The following SLC19A1 variants were observed in gnomAD, a reference collection of about 807,000 sequenced individuals.
SLC19A1 encodes reduced folate transporter.
In SLC19A1, 37 loss-of-function variants were observed where a neutral mutation model predicts 35.3. The observed-to-expected ratio is 1.05, with a 90% CI of 0.81 to 1.38. The LOEUF (loss-of-function observed/expected upper bound fraction) is 1.38, where lower values mean the gene tolerates loss of function less well. SLC19A1 is among the 40% of genes most tolerant of loss of function. The probability of loss-of-function intolerance (pLI) is 0.00; values close to 1 mark genes in which losing one functional copy is unlikely to be tolerated. For synonymous variants in SLC19A1, 460 were observed against 398.5 expected (o/e 1.15, Z -1.84); for missense variants, 831 against 826.9 (o/e 1.00, Z -0.06).
intron 3 of SLC19A1, chr21:45,505,802 C>CGCCCTCCCT: frequency 1.3e-6 from 2 of 1,543,618 alleles, no homozygotes; most frequent in Non-Finnish European, 1.8e-6. Context: ...CCGCCCTCCC[C>CGCCCTCCCT]GCCAAGCCCC....
At chr21:45,559,028 C>T (rs140690115) in intron 1 of SLC19A1, among the ~76,000 whole-genome samples, 105 of 152,050 alleles carry the variant, frequency 6.9e-4, no homozygotes, top group African/African-American at 2.5e-3. Context: ...AGGATGGTCT[C>T]GATCTCTTGA....
At chr21:45,504,151 C>T in intron 3 of SLC19A1, 1 of 1,412,358 alleles carries the variant, frequency 7.1e-7, no homozygotes, top group South Asian at 1.2e-5. Context: ...CCCAAGCCCC[C>T]TTCCTGTTCA....
At chr21:45,551,432 T>C (rs1362536424) in intron 1 of SLC19A1, among the ~76,000 whole-genome samples, 1 of 152,206 alleles carries the variant, frequency 6.6e-6, no homozygotes, top group Non-Finnish European at 1.5e-5. Flanking sequence ...TAATAATTCA[T>C]TCCTCTCACG....
upstream of SLC19A1, among the ~76,000 whole-genome samples, chr21:45,543,412 C>T (rs533832325): frequency 6.6e-6 from 1 of 152,356 alleles, no homozygotes; most frequent in South Asian, 2.1e-4. Flanking sequence ...GGACGGCCAC[C>T]GTGGTACCCA....
chr21:45,555,151 AGGGGGCGGCGGG>A (rs1569031690), intron 1 of SLC19A1, among the ~76,000 whole-genome samples: 14 of 58,970 alleles, frequency 2.4e-4, no homozygotes, highest in African/African-American at 9.1e-4. Context: ...GGGGCGGTGC[AGGGGGCGGCGGG>A]GGCGGCGCAG....
Position 45,515,493 on chromosome 21 carries a change from C to G in SLC19A1, c.*165G>C. 1 of 1,505,738 alleles carries G rather than the reference C, an allele frequency of 6.6e-7. No individual in the cohort carries two copies. 93.3% of individuals were successfully genotyped at this position (1,505,738 alleles called of 1,614,324 possible). On this transcript the variant is annotated 3_prime_UTR_variant, in exon 6 of 6. Coordinates refer to ENST00000311124, the MANE Select transcript of SLC19A1 (RefSeq NM_194255.4). ...GCAGCTGCCCTGAGTGTCGCCAGCA[C>G]GCTGTGGCCACCGCCAGAGTGCGGC... is the stretch of plus-strand genomic sequence containing the variant.
intron 1 of SLC19A1, among the ~76,000 whole-genome samples, chr21:45,541,411 C>G (rs1225285059): frequency 2.0e-5 from 3 of 152,240 alleles, no homozygotes. Context: ...GAGGCCACCT[C>G]TTTACAGGGC....
chr21:45,545,585 C>T (rs3939250), upstream of SLC19A1, among the ~76,000 whole-genome samples: 118,320 of 151,824 alleles, frequency 0.78, 46,878 homozygotes, highest in African/African-American at 0.94. Context: ...AAAACAGCCC[C>T]CCTCATACGT....
At position 45,513,460 on chromosome 21, in the gene SLC19A1, C is replaced by T. The variant is rs992675252; in HGVS notation, c.*2198G>A. ...GGGGAACCCCGGGGTGCCCACAGGCCGCCCTGCGGGTGAACAAAGCAGCCA... is the reference window on the plus strand; with the variant it reads ...GGGGAACCCCGGGGTGCCCACAGGCTGCCCTGCGGGTGAACAAAGCAGCCA... On this transcript the variant is annotated 3_prime_UTR_variant, in exon 6 of 6. Coordinates refer to ENST00000311124, the MANE Select transcript of SLC19A1 (RefSeq NM_194255.4). 11 of 152,360 alleles carry T rather than the reference C, an allele frequency of 7.2e-5. No individual in the cohort carries two copies. The highest frequency in any genetic ancestry group is 1.9e-4 in the East Asian group (1 of 5,178). 9.4% of individuals were successfully genotyped at this position (152,360 alleles called of 1,614,324 possible). A position where few individuals can be genotyped will look rare whatever the true frequency, so the allele number is the denominator to read the frequency against.
intron 2 of SLC19A1, 121 bp from the exon 3 acceptor site, chr21:45,532,269 C>T (rs1162565360): frequency 2.7e-5 from 21 of 773,156 alleles, no homozygotes; most frequent in Non-Finnish European, 3.2e-5. Flanking sequence ...TGGTGGGACC[C>T]CTCTCCCCAA....
intron 3 of SLC19A1, chr21:45,505,557 T>A (rs1210697856): frequency 1.4e-6 from 1 of 701,150 alleles, no homozygotes; most frequent in Admixed American, 2.3e-5. Context: ...AAGATGCGGT[T>A]TCCAGGGTGG....
At chr21:45,555,109 G>A (rs1325674721) in intron 1 of SLC19A1, among the ~76,000 whole-genome samples, 1 of 146,096 alleles carries the variant, frequency 6.8e-6, no homozygotes, top group Non-Finnish European at 1.5e-5. Flanking sequence ...CGGAGCCTCC[G>A]CGGGTCCCAG....
rs979060808 is a variant in SLC19A1, at chr21:45,540,839, C to T, written c.-50+1529G>A. ...GGTTGTAACAGCCCCTGCAAATCCC[C>T]GGCCCCACTGTCCACAGTGACCAGC... On this transcript the variant is annotated intron_variant, in intron 1 of 5. Coordinates refer to ENST00000311124, the MANE Select transcript of SLC19A1 (RefSeq NM_194255.4). This position sits in a 1 kb window ranked among gnomAD's most constrained non-coding sequence, Gnocchi z 5.5. Among the ~76,000 whole-genome samples, 2 of 152,142 alleles carry T rather than the reference C, an allele frequency of 1.3e-5. No individual in the cohort carries two copies. The highest frequency in any genetic ancestry group is 2.9e-5 in the Non-Finnish European group (2 of 68,034).
intron 5 of SLC19A1, among the ~76,000 whole-genome samples, chr21:45,525,553 C>T (rs2077579591): frequency 6.6e-6 from 1 of 152,234 alleles, no homozygotes; most frequent in Non-Finnish European, 1.5e-5. Context: ...ACAAGGACAG[C>T]TCCGCCGTGG....
intron 2 of SLC19A1, among the ~76,000 whole-genome samples, chr21:45,536,695 G>A (rs1367245867): frequency 6.6e-6 from 1 of 152,172 alleles, no homozygotes; most frequent in African/African-American, 2.4e-5. Context: ...GTCTGGGAGG[G>A]TTGGGGTCCG....
chr21:45,548,944 G>A (rs1409998249), upstream of SLC19A1, among the ~76,000 whole-genome samples: 1 of 152,172 alleles, frequency 6.6e-6, no homozygotes, highest in African/African-American at 2.4e-5. Context: ...ATGGGGATGT[G>A]AAATGTTACA....
intron 3 of SLC19A1, chr21:45,506,982 G>A (rs572696765): frequency 4.0e-5 from 11 of 275,358 alleles, no homozygotes; most frequent in East Asian, 2.8e-4. Flanking sequence ...GTAGGCACCC[G>A]GATGCAGCCC....
In SLC19A1 at chr21:45,530,909, G is replaced by A. The variant is rs59638403; in HGVS notation, c.1012C>T (p.Leu338Phe). The A allele has an allele frequency of 7.9e-4, 1,163 of 1,476,568 alleles. 15 individuals are homozygous for A. The African/African-American group carries it at 0.015, about 19-fold the overall frequency. The allele number at this position is 1,476,568 out of a possible 1,614,324, so 91.5% of individuals were successfully genotyped here. A position where few individuals can be genotyped will look rare whatever the true frequency, so the allele number is the denominator to read the frequency against. The change falls in exon 4 of 6, where the codon CTC (leucine) becomes TTC (phenylalanine). Residue 338 changes from leucine (L) to phenylalanine (F), a missense_variant. Coordinates refer to ENST00000311124, the MANE Select transcript of SLC19A1 (RefSeq NM_194255.4). This position sits in a 1 kb window ranked among gnomAD's most constrained non-coding sequence, Gnocchi z 5.3. ...KIRWARWSKL[L>F]IAGVTATQAG... ...TGCGTGGCCGTGACGCCCGCGATGA[G>A]CAGCTTGGACCAGCGCGCCCAGCGG...
chr21:45,523,115 G>A (rs1376500612), intron 5 of SLC19A1, among the ~76,000 whole-genome samples: 2 of 152,052 alleles, frequency 1.3e-5, no homozygotes, highest in African/African-American at 2.4e-5. Flanking sequence ...GCTCCATCAC[G>A]GCTCCCTCCC....
Sources: gnomAD v4.1 joint callset for allele counts (sites outside exome capture counted in the v4.1 genomes callset) on GRCh38, gnomAD v4.1.1 for gene constraint, Gnocchi (gnomAD v3.1) non-coding constraint, MANE v1.5 for transcripts, NCBI Gene and HGNC (gene_info 2026-07-23, HGNC 2026-07-21) for gene names.